NAV1: variants seen among roughly 807,000 people sequenced by gnomAD.
NAV1 encodes pore membrane and/or filament interacting like protein 3.
NAV1 carries 18 observed loss-of-function variants against 175.2 expected under a neutral mutation model. The observed-to-expected ratio is 0.10, with a 90% CI of 0.07 to 0.15. The LOEUF is 0.15. NAV1 is among the 10% of genes least tolerant of loss of function. The pLI is 1.00. For synonymous variants in NAV1, 897 were observed against 978.7 expected (o/e 0.92, Z 1.56); for missense variants, 1,731 against 2,436.6 (o/e 0.71, Z 6.10).
rs147997286 is a variant in NAV1 at position 201,615,420 on chromosome 1, G to A, written c.-32-7433G>A. Reference sequence around the variant, plus strand: ...GCTGGGATTTCAGGCACCTGCCACCGCACCTGGCTAATTTTTGTAATTTTA... The same window carrying A: ...GCTGGGATTTCAGGCACCTGCCACCACACCTGGCTAATTTTTGTAATTTTA... On this transcript the variant is annotated intron_variant, in intron 2 of 33. Coordinates refer to the NAV1 transcript ENST00000685211. Among the ~76,000 whole-genome samples the A allele has an allele frequency of 8.4e-3, 1,269 of 151,924 alleles. 17 individuals are homozygous for A. The highest frequency in any genetic ancestry group is 0.029 in the African/African-American group (1,189 of 41,404).
At chr1:201,809,902 G>A in intron 22 of NAV1, 44 bp from the exon 27 acceptor site, 1 of 1,570,252 alleles carries the variant, frequency 6.4e-7, no homozygotes, top group Non-Finnish European at 8.7e-7. Context: ...TTTTACACCT[G>A]TGTTTGTATA....
chr1:201,605,058 A>C (rs991021407), intron 2 of NAV1, among the ~76,000 whole-genome samples: 1 of 151,860 alleles, frequency 6.6e-6, no homozygotes, highest in African/African-American at 2.4e-5. Flanking sequence ...TGTTGTTTTT[A>C]CTGAGGGCAC....
chr1:201,771,233 C>A (rs550154651), intron 3 of NAV1, among the ~76,000 whole-genome samples: 1 of 112,588 alleles, frequency 8.9e-6, no homozygotes, highest in African/African-American at 3.7e-5. Context: ...AGCGAGACTC[C>A]GTCTCAAAAA....
rs79875029 is a variant in NAV1, at chr1:201,741,189, A to G, written c.1226+22434A>G. 2.1e-3 allele frequency among the ~76,000 whole-genome samples: 327 copies of G among 152,306 alleles called. 5 individuals are homozygous for G. The East Asian group carries it at 0.039, about 18-fold the overall frequency. ...CTAGGGTAAAAGCAAAGAATTGGGC[A>G]AGGCCTGAAACGAGAGGCATCTTCT... is the stretch of plus-strand genomic sequence containing the variant. On this transcript the variant is annotated intron_variant, in intron 3 of 29. Coordinates refer to ENST00000367296, the Ensembl canonical transcript of NAV1.
intron 15 of NAV1, 103 bp downstream of exon 19, chr1:201,794,680 C>T (rs1418945248): frequency 1.9e-6 from 2 of 1,048,978 alleles, no homozygotes; most frequent in South Asian, 2.6e-5. Flanking sequence ...TATATCAAGT[C>T]TCTAGAAGGT....
At chr1:201,768,509 G>A (rs149821412) in intron 3 of NAV1, among the ~76,000 whole-genome samples, 11 of 151,672 alleles carry the variant, frequency 7.3e-5, no homozygotes, top group African/African-American at 1.5e-4. Context: ...GCAGTGGTGC[G>A]CACATGTAGT....
At chr1:201,544,354 G>A (rs774452526) in intron 1 of NAV1, among the ~76,000 whole-genome samples, 1 of 152,180 alleles carries the variant, frequency 6.6e-6, no homozygotes, top group Non-Finnish European at 1.5e-5. Context: ...CGGTAATACT[G>A]ACCCACTTTA....
chr1:201,812,716 T>A lies in NAV1; in HGVS notation c.5221+55T>A. On this transcript the variant is annotated intron_variant, in intron 27 of 29. Coordinates refer to ENST00000367296, the Ensembl canonical transcript of NAV1. This position sits in a 1 kb window ranked among gnomAD's most constrained non-coding sequence, Gnocchi z 4.6. ...AGGAGGTGGCTTCCCTTTTCCACTGTACCACCTGGAGGGATGCTCCCTTCT... is the reference window on the plus strand; with the variant it reads ...AGGAGGTGGCTTCCCTTTTCCACTGAACCACCTGGAGGGATGCTCCCTTCT... 6.8e-7 allele frequency: 1 copy of A among 1,475,516 alleles called. No individual in the cohort carries two copies. The highest frequency in any genetic ancestry group is 9.4e-7 in the Non-Finnish European group (1 of 1,058,370). 91.4% of individuals were successfully genotyped at this position (1,475,516 alleles called of 1,614,324 possible).
chr1:201,796,170 G>T (rs1195596093), intron 15 of NAV1: 1 of 152,072 alleles, frequency 6.6e-6, no homozygotes, highest in African/African-American at 2.4e-5. Flanking sequence ...TATGTTTTTT[G>T]TTCTCTGGGG....
chr1:201,689,699 G>T (rs150017402), intron 1 of NAV1, among the ~76,000 whole-genome samples: 1 of 152,126 alleles, frequency 6.6e-6, no homozygotes, highest in Non-Finnish European at 1.5e-5. Context: ...CCAAGACCAC[G>T]CTTCTGTTTG....
At chr1:201,599,356 T>C (rs1667456150) in intron 2 of NAV1, among the ~76,000 whole-genome samples, 1 of 152,202 alleles carries the variant, frequency 6.6e-6, no homozygotes, top group African/African-American at 2.4e-5. Context: ...TGAGCCAGCC[T>C]CCCTTTGACC....
chr1:201,773,443 T>C (rs962455551), intron 3 of NAV1, among the ~76,000 whole-genome samples: 2 of 152,224 alleles, frequency 1.3e-5, no homozygotes, highest in African/African-American at 4.8e-5. Flanking sequence ...CTTCTGATTA[T>C]ATTCAGTGCA....
At chr1:201,648,193 C>A, upstream of NAV1, 1 of 981,342 alleles carries the variant, frequency 1.0e-6, no homozygotes, top group Non-Finnish European at 1.2e-6. Context: ...GCAGCCTCGA[C>A]TCGGGCTGGC....
At chr1:201,705,046 T>G (rs963439413) in intron 1 of NAV1, among the ~76,000 whole-genome samples, 8 of 152,190 alleles carry the variant, frequency 5.3e-5, no homozygotes, top group African/African-American at 1.9e-4. Flanking sequence ...CTTGAACTCC[T>G]GGGCTCGAGG....
In NAV1 at chr1:201,539,178, T is replaced by G. The variant is rs2102438136; in HGVS notation, c.-308T>G. 6.6e-6 allele frequency among the ~76,000 whole-genome samples: 1 copy of G among 152,028 alleles called. No individual in the cohort carries two copies. Among genetic ancestry groups the G allele is most frequent in the East Asian group, 1.9e-4 (1 of 5,140 alleles). Reference sequence around the variant, plus strand: ...CCTAGTGCGGGGCCCGAGGCTGGAGTGCGCGGCGGACGCCAAGCCTGGTGC... The same window carrying G: ...CCTAGTGCGGGGCCCGAGGCTGGAGGGCGCGGCGGACGCCAAGCCTGGTGC... On this transcript the variant is annotated 5_prime_UTR_variant, in exon 1 of 34. Transcript: ENST00000685211. This position sits in a 1 kb window ranked among gnomAD's most constrained non-coding sequence, Gnocchi z 5.6.
intron 3 of NAV1, among the ~76,000 whole-genome samples, chr1:201,735,825 A>G (rs756172907): frequency 5.3e-5 from 8 of 152,212 alleles, no homozygotes; most frequent in Non-Finnish European, 8.8e-5. Context: ...CAGTAGGGTC[A>G]TTGGGGGATC....
chr1:201,556,869 TC>T (rs1441926884), intron 1 of NAV1, among the ~76,000 whole-genome samples: 2 of 151,892 alleles, frequency 1.3e-5, no homozygotes, highest in African/African-American at 4.8e-5. Flanking sequence ...CCCTAGAAAA[TC>T]ATTAGTGTTC....
At chr1:201,690,787 G>A (rs970274901) in intron 1 of NAV1, among the ~76,000 whole-genome samples, 5 of 149,586 alleles carry the variant, frequency 3.3e-5, no homozygotes, top group South Asian at 2.1e-4. Context: ...TGTTTCCTCC[G>A]TGGCCTGTCC....
At chr1:201,723,425 C>G (rs1414433442) in intron 3 of NAV1, 1 of 152,116 alleles carries the variant, frequency 6.6e-6, no homozygotes, top group Non-Finnish European at 1.5e-5. Context: ...TGCACAAAAG[C>G]TTTTTATTTA....
Sources: gnomAD v4.1 joint callset for allele counts (sites outside exome capture counted in the v4.1 genomes callset) on GRCh38, gnomAD v4.1.1 for gene constraint, Gnocchi (gnomAD v3.1) non-coding constraint, MANE v1.5 for transcripts, NCBI Gene and HGNC (gene_info 2026-07-23, HGNC 2026-07-21) for gene names.